Variants in CCNH observed in about 807,000 individuals in gnomAD.
The protein encoded by CCNH is cyclin-H.
Under a neutral mutation model 41.9 loss-of-function variants are expected in CCNH, and 31 were observed. The observed-to-expected ratio is 0.74, with a 90% CI of 0.56 to 1.00. CCNH has a LOEUF of 1.00. CCNH is among the 50% of genes least tolerant of loss of function. CCNH has a pLI of 0.00. For missense variants in CCNH, 362 were observed against 388.4 expected (o/e 0.93, Z 0.57); for synonymous variants, 138 against 136.1 (o/e 1.01, Z -0.10).
At chr5:87,363,373 A>T in intron 9 of CCNH, 2 of 1,610,650 alleles carry the variant, frequency 1.2e-6, no homozygotes, top group Non-Finnish European at 1.7e-6. Flanking sequence ...GGAAAAATTT[A>T]TATTTTATCT....
At chr5:87,326,141 T>G (rs1757214900) in intron 9 of CCNH, among the ~76,000 whole-genome samples, 1 of 152,108 alleles carries the variant, frequency 6.6e-6, no homozygotes, top group Admixed American at 6.6e-5. Flanking sequence ...CTGGCTAATT[T>G]TTGTATTTTT....
intron 9 of CCNH, among the ~76,000 whole-genome samples, chr5:87,352,093 CAT>C (rs1451294978): frequency 2.0e-5 from 3 of 151,540 alleles, no homozygotes; most frequent in Admixed American, 6.6e-5. Flanking sequence ...TTATTAAAAA[CAT>C]AAAATCTTGC....
rs1757597491 is a variant in CCNH at position 87,331,517 on chromosome 5, A to G, written c.*91-12620T>C. The G allele has an allele frequency of 9.3e-6, 15 of 1,611,228 alleles. No individual in the cohort carries two copies. Among genetic ancestry groups the G allele is most frequent in the African/African-American group, 1.3e-5 (1 of 74,856 alleles). Reference sequence around the variant, plus strand: ...CCATTTTAGGTAAGTCTTTATTCCTATTATGAAGCCAAATGATGTAGCTAT... The same window carrying G: ...CCATTTTAGGTAAGTCTTTATTCCTGTTATGAAGCCAAATGATGTAGCTAT... On this transcript the variant is annotated intron_variant and NMD_transcript_variant, in intron 9 of 9. Transcript: ENST00000645953.
intron 9 of CCNH, among the ~76,000 whole-genome samples, chr5:87,347,790 C>T (rs1370597327): frequency 6.6e-6 from 1 of 151,934 alleles, no homozygotes; most frequent in Admixed American, 6.6e-5. Context: ...GACATTCTGT[C>T]AGCTATTTCA....
Position 87,395,101 on chromosome 5 carries a change from C to G in CCNH, c.876G>C (p.Lys292Asn), listed in dbSNP as rs1314154367. The change falls in exon 8 of 9, where the codon AAG becomes AAC. Residue 292 changes from lysine (K) to asparagine (N), a missense_variant. Transcript: ENST00000256897. ...CATCATCTTCATAGCCTTTCCTCTT[C>G]TTCCTATAATTAAGCAACTATCAAT... ...SAELALNVIT[K>N]KRKGYEDDDY... 1 of 1,610,212 alleles carries G rather than the reference C, an allele frequency of 6.2e-7. No individual in the cohort carries two copies. The highest frequency in any genetic ancestry group is 8.5e-7 in the Non-Finnish European group (1 of 1,177,810).
At chr5:87,351,238 G>T (rs761571396) in intron 9 of CCNH, among the ~76,000 whole-genome samples, 1 of 150,604 alleles carries the variant, frequency 6.6e-6, no homozygotes, top group Non-Finnish European at 1.5e-5. Context: ...GCCATTTATC[G>T]ACTTATCTAC....
chr5:87,386,947 G>C (rs1762103880), downstream of CCNH: 2 of 1,493,552 alleles, frequency 1.3e-6, no homozygotes, highest in Non-Finnish European at 1.9e-6. Context: ...ACTTCTAGTT[G>C]ATATAGCTGA....
chr5:87,317,628 C>T (rs536687827), downstream of CCNH, among the ~76,000 whole-genome samples: 2 of 151,184 alleles, frequency 1.3e-5, no homozygotes, highest in East Asian at 3.9e-4. Context: ...CTGTTTTTCT[C>T]ATGCTCTTTT....
chr5:87,380,946 T>C (rs1761669666), upstream of CCNH, among the ~76,000 whole-genome samples: 1 of 152,314 alleles, frequency 6.6e-6, no homozygotes, highest in South Asian at 2.1e-4. Context: ...GGGCAGTAAT[T>C]GACCGATTTA....
chr5:87,313,253 A>C, the CCNH span, among the ~76,000 whole-genome samples: 1 of 152,186 alleles, frequency 6.6e-6, no homozygotes, highest in Non-Finnish European at 1.5e-5. Flanking sequence ...GTCTTTAGCT[A>C]ATCTAATATC....
At chr5:87,403,246 G>T (rs78002365) in intron 5 of CCNH, among the ~76,000 whole-genome samples, 24 of 145,150 alleles carry the variant, frequency 1.7e-4, no homozygotes, top group African/African-American at 4.2e-4. Flanking sequence ...AAAAAAAAAG[G>T]CCCAATGTCT....
At chr5:87,389,362 T>A, downstream of CCNH, 1 of 1,613,410 alleles carries the variant, frequency 6.2e-7, no homozygotes. Context: ...AGATTTGTAT[T>A]TCTAAATGCA....
chr5:87,345,928 G>C (rs1758827170), intron 9 of CCNH, among the ~76,000 whole-genome samples: 1 of 151,970 alleles, frequency 6.6e-6, no homozygotes, highest in East Asian at 1.9e-4. Context: ...GTAAATAAGA[G>C]GTGATTTTAT....
At chr5:87,354,962 G>A (rs1164174426) in intron 9 of CCNH, among the ~76,000 whole-genome samples, 2 of 152,130 alleles carry the variant, frequency 1.3e-5, no homozygotes, top group Non-Finnish European at 2.9e-5. Flanking sequence ...CTTCTATTCT[G>A]TGAAGGCTGA....
intron 9 of CCNH, among the ~76,000 whole-genome samples, chr5:87,348,511 G>A (rs1211538873): frequency 6.6e-6 from 1 of 151,894 alleles, no homozygotes; most frequent in Non-Finnish European, 1.5e-5. Flanking sequence ...CCTTTCAGGA[G>A]CATACCTATT....
chr5:87,335,419 GTTTTTTTTTTTTT>G (rs34986349), intron 9 of CCNH, among the ~76,000 whole-genome samples: 1 of 72,888 alleles, frequency 1.4e-5, no homozygotes, highest in Non-Finnish European at 2.4e-5. Context: ...AAAGAATGAG[GTTTTTTTTTTTTT>G]TTTTTTTTTT....
rs1417225762 is a variant in CCNH, at chr5:87,363,328, CAA to C, written c.*90+29440_*90+29441del. ...TCACAATTGTTTGGCTAAGAGAAAA[CAA>C]TTTTTTTTTTTAAACAGGCAAAGGA... On this transcript the variant is annotated intron_variant and NMD_transcript_variant, in intron 9 of 9. Transcript: ENST00000645953. 5.1e-6 allele frequency: 8 copies of C among 1,575,542 alleles called. No individual in the cohort carries two copies. The highest frequency in any genetic ancestry group is 2.3e-5 in the East Asian group (1 of 44,334).
downstream of CCNH, among the ~76,000 whole-genome samples, chr5:87,316,290 T>C (rs1237621273): frequency 6.6e-6 from 1 of 152,216 alleles, no homozygotes; most frequent in Non-Finnish European, 1.5e-5. Flanking sequence ...ACTATAGTTA[T>C]CTTATTGAGG....
At chr5:87,406,015 TCTC>T (rs1318958206) in intron 4 of CCNH, among the ~76,000 whole-genome samples, 4 of 152,038 alleles carry the variant, frequency 2.6e-5, no homozygotes, top group Admixed American at 6.6e-5. Context: ...GACAATTGAC[TCTC>T]CTATTTTTCA....
Sources: allele counts gnomAD v4.1 joint callset (sites outside exome capture counted in the v4.1 genomes callset), GRCh38; gene constraint gnomAD v4.1.1; transcripts MANE v1.5; gene names NCBI Gene and HGNC (gene_info 2026-07-23, HGNC 2026-07-21).